IGF1R: variants seen among roughly 807,000 people sequenced by gnomAD.
IGF1R encodes the protein insulin like growth factor 1 receptor.
Under a neutral mutation model 144.6 loss-of-function variants are expected in IGF1R, and 44 were observed. The ratio of observed to expected loss-of-function variants is 0.30; its 90% CI spans 0.24 to 0.39. IGF1R has a LOEUF of 0.39. Ranked by LOEUF, IGF1R falls within the 10% of genes least tolerant of loss-of-function variation. The pLI, the probability that IGF1R is intolerant of heterozygous loss-of-function variation, is 1.00. For synonymous variants in IGF1R, 795 were observed against 722.8 expected (o/e 1.10, Z -1.60); for missense variants, 1,355 against 1,833.7 (o/e 0.74, Z 4.77).
chr15:98,908,268 A>G (rs1312140927), intron 5 of IGF1R, among the ~76,000 whole-genome samples: 3 of 152,196 alleles, frequency 2.0e-5, no homozygotes, highest in Non-Finnish European at 4.4e-5. Context: ...TCCATGGATA[A>G]TGGGAGACTT....
intron 13 of IGF1R, 94 bp from the exon 14 acceptor site, chr15:98,929,464 G>GT: frequency 1.1e-6 from 1 of 934,904 alleles, no homozygotes; most frequent in South Asian, 1.3e-5. Flanking sequence ...GAATATACAG[G>GT]TATTTTTTTC....
chr15:98,908,929 C>T (rs1230598980), intron 6 of IGF1R, 30 bp downstream of exon 6: 1 of 1,586,856 alleles, frequency 6.3e-7, no homozygotes, highest in Non-Finnish European at 8.6e-7. Context: ...ACACCGTGGG[C>T]CCAACCATCA....
intron 2 of IGF1R, among the ~76,000 whole-genome samples, chr15:98,815,036 TTAG>T (rs1461248833): frequency 1.3e-5 from 2 of 152,236 alleles, no homozygotes; most frequent in Non-Finnish European, 2.9e-5. Context: ...AGAAAAATAA[TTAG>T]TAGTACAAAA....
rs1350679634 is a variant in IGF1R at position 98,962,425 on chromosome 15, A to G, written c.*4983A>G. ...CCACTCCTTAAGAACCAGTGGCGAA[A>G]GACACTTTCTTTCTTCACTCTGAAG... On this transcript the variant is annotated 3_prime_UTR_variant, in exon 21 of 21. Transcript: ENST00000650285. The G allele has an allele frequency of 8.6e-6, 2 of 233,668 alleles. No individual in the cohort carries two copies. The highest frequency in any genetic ancestry group is 4.4e-5 in the African/African-American group (2 of 45,344). The allele number at this position is 233,668 out of a possible 1,614,324, so 14.5% of individuals were successfully genotyped here. A position where few individuals can be genotyped will look rare whatever the true frequency, so the allele number is the denominator to read the frequency against.
chr15:98,842,068 G>T (rs961901487), intron 2 of IGF1R, among the ~76,000 whole-genome samples: 1 of 152,120 alleles, frequency 6.6e-6, no homozygotes, highest in Non-Finnish European at 1.5e-5. Context: ...ATAACATTTT[G>T]ACTAGAAACT....
rs1489130672 is a variant in IGF1R at position 98,960,312 on chromosome 15, A to G, written c.*2870A>G. The G allele has an allele frequency of 8.6e-6, 2 of 232,798 alleles. No individual in the cohort carries two copies. Among genetic ancestry groups the G allele is most frequent in the East Asian group, 1.2e-4 (2 of 16,538 alleles). 14.4% of individuals were successfully genotyped at this position (232,798 alleles called of 1,614,324 possible). On this transcript the variant is annotated 3_prime_UTR_variant, in exon 21 of 21. Coordinates refer to ENST00000650285, the MANE Select transcript of IGF1R (RefSeq NM_000875.5). ...TGTTGCTTTTTTTGTTTTGTTTTCT[A>G]TCTTGGTTTCCACCAAGGTGTTAGA...
intron 18 of IGF1R, among the ~76,000 whole-genome samples, chr15:98,939,927 A>C (rs1214232028): frequency 6.6e-6 from 1 of 152,118 alleles, no homozygotes; most frequent in Non-Finnish European, 1.5e-5. Flanking sequence ...CAAGCTCTCG[A>C]CCACTCTCTC....
In IGF1R at chr15:98,900,083, G is replaced by A. The variant is rs540572085; in HGVS notation, c.1247+462G>A. 6.6e-5 allele frequency among the ~76,000 whole-genome samples: 10 copies of A among 152,296 alleles called. No individual in the cohort carries two copies. The East Asian group carries it at 1.4e-3, about 21-fold the overall frequency. ...AGCACGGGAGGAGCATGGGCGGTTC[G>A]TTTTGTTAGAAAGAAACCCGGATTC... On this transcript the variant is annotated intron_variant, in intron 5 of 20. Transcript: ENST00000650285.
chr15:98,751,196 A>T (rs1174239079), intron 2 of IGF1R, among the ~76,000 whole-genome samples: 1 of 151,806 alleles, frequency 6.6e-6, no homozygotes, highest in African/African-American at 2.4e-5. Context: ...TACACTCCTT[A>T]TTAGCTTAAT....
rs1356367868 is a variant in IGF1R at position 98,742,665 on chromosome 15, A to C, written c.640+34558A>C. Among the ~76,000 whole-genome samples the C allele has an allele frequency of 1.6e-4, 24 of 152,204 alleles. 2 individuals carry two copies. Among genetic ancestry groups the C allele is most frequent in the East Asian group, 1.9e-4 (1 of 5,206 alleles). ...CACATTTTAAATTTTATATTTAAAA[A>C]CCAAAAAGTAGTACTGATCATTTTG... On this transcript the variant is annotated intron_variant, in intron 2 of 20. Transcript: ENST00000650285.
intron 2 of IGF1R, among the ~76,000 whole-genome samples, chr15:98,832,386 T>A (rs1193022302): frequency 6.6e-6 from 1 of 152,206 alleles, no homozygotes; most frequent in Non-Finnish European, 1.5e-5. Flanking sequence ...ATTATGTTTT[T>A]AAATGAATGA....
intron 2 of IGF1R, among the ~76,000 whole-genome samples, chr15:98,717,807 T>A (rs766793281): frequency 3.9e-5 from 6 of 152,184 alleles, no homozygotes; most frequent in Non-Finnish European, 2.9e-5. Context: ...ATTAAAGTGG[T>A]TAGAGTGGGC....
chr15:98,686,732 G>A (rs193109895), intron 1 of IGF1R, among the ~76,000 whole-genome samples: 52 of 151,110 alleles, frequency 3.4e-4, no homozygotes, highest in African/African-American at 1.2e-3. Context: ...GTGCAGTGAT[G>A]TGAGCATAGT....
chr15:98,866,613 GTCCTTGCATCAGC>G (rs886358158), intron 2 of IGF1R, among the ~76,000 whole-genome samples: 11 of 152,144 alleles, frequency 7.2e-5, no homozygotes, highest in Admixed American at 6.5e-5. Flanking sequence ...TTATAGTGAC[GTCCTTGCATCAGC>G]TCCAGAAACT....
Position 98,827,727 on chromosome 15 carries a change from C to T in IGF1R, c.641-63598C>T, listed in dbSNP as rs139024477. On this transcript the variant is annotated intron_variant, in intron 2 of 20. Transcript: ENST00000650285. ...CCTCCTGAGTAGCTGGGATTACATGCGCACGCCACCACACCCGGCTAATTT... is the reference window on the plus strand; with the variant it reads ...CCTCCTGAGTAGCTGGGATTACATGTGCACGCCACCACACCCGGCTAATTT... Among the ~76,000 whole-genome samples, 313 of 152,230 alleles carry T rather than the reference C, an allele frequency of 2.1e-3. 7 individuals are homozygous for T. The East Asian group carries it at 0.051, about 25-fold the overall frequency.
At chr15:98,810,588 G>T (rs1165123815) in intron 2 of IGF1R, among the ~76,000 whole-genome samples, 1 of 146,266 alleles carries the variant, frequency 6.8e-6, no homozygotes, top group Non-Finnish European at 1.5e-5. Flanking sequence ...AGTCTCTGTA[G>T]CCCAGGCTGG....
chr15:98,689,234 C>CTTTT (rs890361771), intron 1 of IGF1R, among the ~76,000 whole-genome samples: 62 of 100,904 alleles, frequency 6.1e-4, no homozygotes, highest in Middle Eastern at 5.6e-3. Flanking sequence ...AGTTGCACTA[C>CTTTT]TTTTTTTTTT....
At chr15:98,938,727 A>G (rs2016251718) in intron 17 of IGF1R, among the ~76,000 whole-genome samples, 1 of 152,248 alleles carries the variant, frequency 6.6e-6, no homozygotes, top group Non-Finnish European at 1.5e-5. Context: ...CGATGCTCTT[A>G]TGGGAAATAA....
chr15:98,963,048 G>A lies in IGF1R; in HGVS notation c.*5606G>A, dbSNP rs1182367652. Reference sequence around the variant, plus strand: ...GGGCTCTTAAGTCCAGTAGATTACGGGTAGTCAGTTGACGAAGATCTGGTT... The same window carrying A: ...GGGCTCTTAAGTCCAGTAGATTACGAGTAGTCAGTTGACGAAGATCTGGTT... On this transcript the variant is annotated 3_prime_UTR_variant, in exon 21 of 21. Coordinates refer to ENST00000650285, the MANE Select transcript of IGF1R (RefSeq NM_000875.5). 1 of 233,468 alleles carries A rather than the reference G, an allele frequency of 4.3e-6. No homozygotes were observed. The highest frequency in any genetic ancestry group is 2.2e-5 in the African/African-American group (1 of 45,292). 14.5% of individuals were successfully genotyped at this position (233,468 alleles called of 1,614,324 possible). A position where few individuals can be genotyped will look rare whatever the true frequency, so the allele number is the denominator to read the frequency against.
Sources: gnomAD v4.1 joint callset for allele counts (sites outside exome capture counted in the v4.1 genomes callset) on GRCh38, gnomAD v4.1.1 for gene constraint, MANE v1.5 for transcripts, NCBI Gene and HGNC (gene_info 2026-07-23, HGNC 2026-07-21) for gene names.